Variants in NEK5 observed in about 807,000 individuals in gnomAD.
The protein encoded by NEK5 is serine/threonine-protein kinase Nek5.
In NEK5, 88 loss-of-function variants were observed where a neutral mutation model predicts 109.2. That is an observed-to-expected ratio of 0.81 (90% CI 0.68 to 0.96). NEK5 has a LOEUF of 0.96. NEK5 is among the 40% of genes least tolerant of loss of function. The pLI is 0.00. For missense variants in NEK5, 834 were observed against 920.7 expected (o/e 0.91, Z 1.22); for synonymous variants, 283 against 299.9 (o/e 0.94, Z 0.58).
At chr13:52,048,944 T>G (rs1190280641) in intron 23 of NEK5, among the ~76,000 whole-genome samples, 2 of 152,174 alleles carry the variant, frequency 1.3e-5, no homozygotes, top group East Asian at 3.8e-4. Context: ...AATAACAATT[T>G]ATTGTATACT....
At chr13:52,052,075 G>A (rs1954510485) in intron 22 of NEK5, among the ~76,000 whole-genome samples, 1 of 152,084 alleles carries the variant, frequency 6.6e-6, no homozygotes. Context: ...ATCTACCTAT[G>A]ACCTGGAAGC....
intron 22 of NEK5, among the ~76,000 whole-genome samples, chr13:52,060,259 T>A (rs1593924148): frequency 6.6e-6 from 1 of 152,352 alleles, no homozygotes; most frequent in East Asian, 1.9e-4. Context: ...GAAAGCCTCT[T>A]TCAAAATATT....
intron 1 of NEK5, 191 bp downstream of exon 1, chr13:52,128,838 G>A (rs1253724698): frequency 3.3e-5 from 5 of 152,334 alleles, no homozygotes; most frequent in African/African-American, 1.2e-4. Flanking sequence ...CCCGACCTCC[G>A]CGTGTGGAGC....
At chr13:52,053,617 C>A (rs959477447) in intron 22 of NEK5, among the ~76,000 whole-genome samples, 7 of 152,136 alleles carry the variant, frequency 4.6e-5, no homozygotes, top group Admixed American at 1.3e-4. Context: ...AATTCTCCCC[C>A]ACCAGGAACT....
intron 22 of NEK5, among the ~76,000 whole-genome samples, chr13:52,058,464 T>C (rs1156688627): frequency 1.0e-4 from 14 of 140,492 alleles, no homozygotes; most frequent in East Asian, 2.2e-4. Flanking sequence ...TTAAAGTTCA[T>C]ATGGAACCAA....
At chr13:52,128,653 TGA>T (rs1229720441) in intron 1 of NEK5, among the ~76,000 whole-genome samples, 1 of 152,104 alleles carries the variant, frequency 6.6e-6, no homozygotes, top group Non-Finnish European at 1.5e-5. Context: ...GATCGGGTTC[TGA>T]GAGAGACGCA....
chr13:52,087,275 C>G, intron 15 of NEK5, 63 bp downstream of exon 15: 1 of 835,180 alleles, frequency 1.2e-6, no homozygotes, highest in Non-Finnish European at 2.1e-6. Flanking sequence ...CTCCCTATTA[C>G]AGTACAAAAG....
intron 3 of NEK5, among the ~76,000 whole-genome samples, chr13:52,125,684 A>C (rs1163622571): frequency 6.6e-6 from 1 of 152,216 alleles, no homozygotes; most frequent in Non-Finnish European, 1.5e-5. Flanking sequence ...ATTGGTAAAC[A>C]CTGAAGTGGG....
intron 21 of NEK5, among the ~76,000 whole-genome samples, chr13:52,063,344 G>C (rs915695828): frequency 6.6e-6 from 1 of 152,246 alleles, no homozygotes; most frequent in Non-Finnish European, 1.5e-5. Flanking sequence ...CGAGGTGCCG[G>C]GTTTGCAGAC....
chr13:52,089,093 A>AAAC (rs147701822), intron 14 of NEK5, among the ~76,000 whole-genome samples, 154 bp downstream of exon 14: 9 of 150,918 alleles, frequency 6.0e-5, no homozygotes, highest in Non-Finnish European at 1.0e-4. Context: ...CTGTCTCAGA[A>AAAC]AACAACAACA....
At chr13:52,079,948 C>T (rs1360424981) in intron 17 of NEK5, among the ~76,000 whole-genome samples, 8 of 151,736 alleles carry the variant, frequency 5.3e-5, no homozygotes, top group African/African-American at 9.7e-5. Context: ...TCTACCCGGC[C>T]GCGACCCTGT....
intron 19 of NEK5, among the ~76,000 whole-genome samples, chr13:52,072,963 A>G (rs1593937840): frequency 6.6e-6 from 1 of 152,200 alleles, no homozygotes; most frequent in Non-Finnish European, 1.5e-5. Context: ...TGAAATTTGG[A>G]TTTACTGTAT....
chr13:52,085,147 T>A (rs1163407438), intron 16 of NEK5, among the ~76,000 whole-genome samples: 1 of 152,030 alleles, frequency 6.6e-6, no homozygotes, highest in African/African-American at 2.4e-5. Context: ...ATCGGGGTGG[T>A]TTCTCCCATA....
chr13:52,034,151 A>G lies in NEK5; in HGVS notation c.*2797T>C, dbSNP rs1192866228. ...ATGATCAATTTGATAGCTATCATAC[A>G]TGGCTAGCAAGACACTGATTTTTCT... On this transcript the variant is annotated 3_prime_UTR_variant, in exon 24 of 24. Transcript: ENST00000684899. The G allele has an allele frequency of 1.3e-5, 2 of 152,228 alleles. No individual in the cohort carries two copies. The highest frequency in any genetic ancestry group is 2.9e-5 in the Non-Finnish European group (2 of 68,050). 9.4% of individuals were successfully genotyped at this position (152,228 alleles called of 1,614,324 possible). A position where few individuals can be genotyped will look rare whatever the true frequency, so the allele number is the denominator to read the frequency against.
intron 12 of NEK5, 89 bp downstream of exon 12, chr13:52,099,654 G>A: frequency 7.1e-7 from 1 of 1,406,060 alleles, no homozygotes. Flanking sequence ...TGGCGACAGA[G>A]CGAGACTCCG....
intron 4 of NEK5, among the ~76,000 whole-genome samples, chr13:52,117,069 C>T (rs370765118): frequency 6.6e-6 from 1 of 152,130 alleles, no homozygotes; most frequent in Non-Finnish European, 1.5e-5. Context: ...CAGGTGCACA[C>T]CACCATGCCC....
rs187850855 is a variant in NEK5 at position 52,082,255 on chromosome 13, C to T, written c.1572+1005G>A. ...GCTTGAACCTGGGAGGCGGAGGTTG[C>T]GGTGAGCCAAGATCGTGCCATTGCA... On this transcript the variant is annotated intron_variant, in intron 17 of 23. Coordinates refer to ENST00000684899, the MANE Select transcript of NEK5 (RefSeq NM_001365552.1). 836 of 448,168 alleles carry T rather than the reference C, an allele frequency of 1.9e-3. 4 individuals carry two copies. Among genetic ancestry groups the T allele is most frequent in the African/African-American group, 0.015 (684 of 45,678 alleles). The allele number at this position is 448,168 out of a possible 1,614,324, so 27.8% of individuals were successfully genotyped here.
intron 13 of NEK5, among the ~76,000 whole-genome samples, chr13:52,091,351 G>A (rs1264218283): frequency 6.6e-6 from 1 of 152,174 alleles, no homozygotes; most frequent in Non-Finnish European, 1.5e-5. Context: ...CACTAATTGA[G>A]TCCAATATGG....
intron 5 of NEK5, among the ~76,000 whole-genome samples, chr13:52,110,878 T>A (rs9526835): frequency 0.55 from 84,114 of 151,868 alleles, 25,429 homozygotes; most frequent in Non-Finnish European, 0.67. Flanking sequence ...GCCGTTCATG[T>A]TTTTCTTTTT....
Sources: allele counts gnomAD v4.1 joint callset (sites outside exome capture counted in the v4.1 genomes callset), GRCh38; gene constraint gnomAD v4.1.1; transcripts MANE v1.5; gene names NCBI Gene and HGNC (gene_info 2026-07-23, HGNC 2026-07-21).